Variants in PCDHA7 observed in about 807,000 individuals in gnomAD.
The protein encoded by PCDHA7 is protocadherin alpha 7, also known as protocadherin alpha-7.
Under a neutral mutation model 57.2 loss-of-function variants are expected in PCDHA7, and 37 were observed. That is an observed-to-expected ratio of 0.65 (90% CI 0.50 to 0.85). The LOEUF (loss-of-function observed/expected upper bound fraction) is 0.85, where lower values mean the gene tolerates loss of function less well. Ranked by LOEUF, PCDHA7 falls within the 40% of genes least tolerant of loss-of-function variation. The pLI is 0.00. For synonymous variants in PCDHA7, 553 were observed against 558.8 expected, an observed-to-expected ratio of 0.99 and a Z score of 0.15; for missense variants, 1,188 against 1,241.8, an observed-to-expected ratio of 0.96 and a Z score of 0.65.
In PCDHA7 at chr5:140,836,422, C is replaced by T; in HGVS notation, c.2039C>T (p.Ser680Leu). Residue 680 changes from serine to leucine, a missense_variant, in exon 1 of 4, where the codon TCG becomes TTG. By Grantham distance (145) the Ser-to-Leu change is moderately radical (BLOSUM62 -2). Around this residue, in one of 3 missense-constraint regions of PCDHA7, gnomAD observed 892 missense variants for 788.5 expected, o/e 1.13. Transcript: ENST00000525929. ...VESGQAPKASSRASLGIAGPE... is the reference protein window; with the variant it reads ...VESGQAPKASLRASLGIAGPE... ...AGCGGCCAGGCACCAAAGGCGTCGT[C>T]GCGGGCATCGTTGGGCATTGCAGGC... 1 of 1,613,788 alleles carries T rather than the reference C, an allele frequency of 6.2e-7. No individual in the cohort carries two copies. The highest frequency in any genetic ancestry group is 1.1e-5 in the South Asian group (1 of 91,080).
Position 140,931,003 on chromosome 5 carries a change from A to G in PCDHA7, c.2356-47946A>G, listed in dbSNP as rs2087240942. On this transcript the variant is annotated intron_variant, in intron 1 of 3. Coordinates refer to ENST00000525929, the MANE Select transcript of PCDHA7 (RefSeq NM_018910.3). The stretch of plus-strand genomic sequence containing the variant: ...CTTCCTCATGACCTACACTAATAAC[A>G]TAACAGAGGAATTTTCTGATTGTAG... Among the ~76,000 whole-genome samples the G allele has an allele frequency of 2.0e-5, 3 of 152,232 alleles. No homozygotes were observed. The South Asian group carries it at 6.2e-4, about 32-fold the overall frequency.
chr5:140,928,450 G>C, intron 1 of PCDHA7: 2 of 1,614,146 alleles, frequency 1.2e-6, no homozygotes, highest in Non-Finnish European at 8.5e-7. Flanking sequence ...GCAGCTCAGG[G>C]GGTTTCATTT....
intron 1 of PCDHA7, chr5:140,968,356 C>T (rs1586289885): frequency 1.2e-6 from 2 of 1,614,062 alleles, no homozygotes; most frequent in Non-Finnish European, 1.7e-6. Context: ...CCAGTGGCAG[C>T]CTTTATGCTG....
chr5:140,876,493 C>T (rs1554168608), intron 1 of PCDHA7: 2 of 1,614,008 alleles, frequency 1.2e-6, no homozygotes, highest in Admixed American at 3.3e-5. Context: ...GGTGGAAGTT[C>T]TGGACGTGAA....
intron 1 of PCDHA7, among the ~76,000 whole-genome samples, chr5:140,914,691 T>G (rs1300550753): frequency 6.6e-6 from 1 of 152,130 alleles, no homozygotes; most frequent in Non-Finnish European, 1.5e-5. Flanking sequence ...TTTTCTCTGG[T>G]GGTATGATTT....
At chr5:140,869,561 C>G in intron 1 of PCDHA7, 1 of 1,614,150 alleles carries the variant, frequency 6.2e-7, no homozygotes, top group Non-Finnish European at 8.5e-7. Flanking sequence ...TCGCGTTTTC[C>G]ACTAGAGGGA....
At chr5:140,869,932 G>A (rs1291685236) in intron 1 of PCDHA7, 45 of 1,611,630 alleles carry the variant, frequency 2.8e-5, no homozygotes, top group Non-Finnish European at 3.5e-5. Context: ...CAATGGAGAG[G>A]TAACATACTC....
At chr5:140,856,416 A>C in intron 1 of PCDHA7, 1 of 1,598,486 alleles carries the variant, frequency 6.3e-7, no homozygotes, top group South Asian at 1.1e-5. Context: ...GTGGAAGTGA[A>C]GGACATTAAC....
At position 140,882,396 on chromosome 5, in the gene PCDHA7, C is replaced by G; in HGVS notation, c.2355+45658C>G. The G allele has an allele frequency of 1.9e-6, 3 of 1,614,196 alleles. No homozygotes were observed. In the South Asian group the frequency reaches 3.3e-5, roughly 18 times the overall value. On this transcript the variant is annotated intron_variant, in intron 1 of 3. Transcript: ENST00000525929. ...GTCCCCGAGGAAGCAAAACACGGCA[C>G]CTTCGTGGGCCGCATCGCTCAGGAC...
intron 1 of PCDHA7, among the ~76,000 whole-genome samples, chr5:140,952,280 G>A (rs1320502466): frequency 2.0e-5 from 3 of 151,652 alleles, no homozygotes; most frequent in Non-Finnish European, 4.4e-5. Context: ...TGAGGGTGGT[G>A]GCCCTCTTCT....
At chr5:140,925,641 T>TATAATA (rs10569930) in intron 1 of PCDHA7, among the ~76,000 whole-genome samples, 37,208 of 143,074 alleles carry the variant, frequency 0.26, 4,933 homozygotes, top group Middle Eastern at 0.29. Context: ...GAACTTAAAG[T>TATAATA]ATAATAATAA....
At chr5:140,839,890 G>A (rs1168165739) in intron 1 of PCDHA7, among the ~76,000 whole-genome samples, 3 of 151,956 alleles carry the variant, frequency 2.0e-5, no homozygotes, top group African/African-American at 7.3e-5. Flanking sequence ...AATTTTGACA[G>A]AAAAAGATGA....
intron 1 of PCDHA7, among the ~76,000 whole-genome samples, chr5:140,926,099 T>C (rs1364046229): frequency 6.6e-6 from 1 of 152,162 alleles, no homozygotes; most frequent in Non-Finnish European, 1.5e-5. Context: ...GCTCCTGGGA[T>C]ACAAGAGGGT....
At chr5:140,918,640 G>C (rs2078789038) in intron 1 of PCDHA7, among the ~76,000 whole-genome samples, 1 of 152,132 alleles carries the variant, frequency 6.6e-6, no homozygotes, top group Admixed American at 6.5e-5. Flanking sequence ...TTCATAAATT[G>C]AAACCTAATT....
At chr5:140,984,157 C>G (rs1187103463) in intron 3 of PCDHA7, among the ~76,000 whole-genome samples, 1 of 152,228 alleles carries the variant, frequency 6.6e-6, no homozygotes, top group Non-Finnish European at 1.5e-5. Flanking sequence ...AAGGTGAGAA[C>G]TTCCCAAAGA....
intron 1 of PCDHA7, among the ~76,000 whole-genome samples, chr5:140,925,482 A>G (rs1238702660): frequency 2.0e-5 from 3 of 152,088 alleles, no homozygotes; most frequent in Admixed American, 6.6e-5. Flanking sequence ...TTCTCATAGA[A>G]CTGATCACTG....
chr5:140,934,001 T>A (rs2089559391), intron 1 of PCDHA7, among the ~76,000 whole-genome samples: 1 of 152,066 alleles, frequency 6.6e-6, no homozygotes, highest in Admixed American at 6.6e-5. Context: ...TCACCTCTCA[T>A]TTTTCTTGAC....
chr5:140,870,315 C>T, intron 1 of PCDHA7: 1 of 1,614,234 alleles, frequency 6.2e-7, no homozygotes, highest in Non-Finnish European at 8.5e-7. Context: ...AGAATTACTA[C>T]TCGTTGGTGC....
rs1205846373 is a variant in PCDHA7 at position 140,858,213 on chromosome 5, C to T, written c.2355+21475C>T. Reference sequence around the variant, plus strand: ...CTGCTGTACACTGCACTGAGGTGCTCGGCGGCGCCCACCGAGGGCGCATGT... The same window carrying T: ...CTGCTGTACACTGCACTGAGGTGCTTGGCGGCGCCCACCGAGGGCGCATGT... On this transcript the variant is annotated intron_variant, in intron 1 of 3. Coordinates refer to ENST00000525929, the MANE Select transcript of PCDHA7 (RefSeq NM_018910.3). 13 of 1,594,002 alleles carry T rather than the reference C, an allele frequency of 8.2e-6. 3 individuals are homozygous for T. Among genetic ancestry groups the T allele is most frequent in the Non-Finnish European group, 1.1e-5 (13 of 1,165,570 alleles).
Sources: allele counts gnomAD v4.1 joint callset (sites outside exome capture counted in the v4.1 genomes callset), GRCh38; gene constraint gnomAD v4.1.1; regional missense constraint gnomAD v4.1.1; transcripts MANE v1.5; gene names NCBI Gene and HGNC (gene_info 2026-07-23, HGNC 2026-07-21).